NUP153: variants seen among roughly 807,000 people sequenced by gnomAD.
The protein encoded by NUP153 is nuclear pore complex protein Nup153.
NUP153 carries 27 observed loss-of-function variants against 134.6 expected under a neutral mutation model. The observed-to-expected ratio is 0.20, with a 90% CI of 0.15 to 0.28. The LOEUF (loss-of-function observed/expected upper bound fraction) is 0.28. Among genes scored for constraint, NUP153 ranks in the 10% least tolerant of loss-of-function variants. The pLI is 1.00. For synonymous variants in NUP153, 640 were observed against 623.5 expected (o/e 1.03, Z -0.40); for missense variants, 1,821 against 1,731.3 (o/e 1.05, Z -0.92).
rs536221112 is a variant in NUP153 at position 17,635,490 on chromosome 6, C to G, written c.2464+1663G>C. On this transcript the variant is annotated intron_variant, in intron 16 of 21. Coordinates refer to ENST00000262077, the MANE Select transcript of NUP153 (RefSeq NM_005124.4). ...GATCTCAGGTAACTGCAACCTCTAC[C>G]TCCCGAGCTCAAGCAATCCTCCCAC... 4.4e-3 allele frequency among the ~76,000 whole-genome samples: 669 copies of G among 152,284 alleles called. 2 individuals carry two copies. Among genetic ancestry groups the G allele is most frequent in the Non-Finnish European group, 6.8e-3 (463 of 68,008 alleles).
At chr6:17,616,479 A>G (rs1764333001) in intron 21 of NUP153, 48 bp downstream of exon 21, 1 of 1,520,828 alleles carries the variant, frequency 6.6e-7, no homozygotes, top group Non-Finnish European at 8.9e-7. Context: ...ATACATGCAC[A>G]TACCCTTACC....
intron 20 of NUP153, among the ~76,000 whole-genome samples, chr6:17,617,367 G>A (rs1384024706): frequency 2.7e-5 from 4 of 150,204 alleles, no homozygotes; most frequent in Admixed American, 1.3e-4. Flanking sequence ...GATACTAAAC[G>A]AGCAGTAGGG....
At chr6:17,672,248 A>G (rs79553128) in intron 5 of NUP153, among the ~76,000 whole-genome samples, 2,029 of 152,234 alleles carry the variant, frequency 0.013, 22 homozygotes, top group Non-Finnish European at 0.024. Flanking sequence ...AGGGATGGTC[A>G]AAAGTCCAGA....
At chr6:17,662,652 G>A (rs373184539) in intron 9 of NUP153, among the ~76,000 whole-genome samples, 13 of 152,238 alleles carry the variant, frequency 8.5e-5, no homozygotes, top group East Asian at 1.9e-4. Context: ...TATTCATTAC[G>A]AAAGGTAAAA....
At chr6:17,674,218 A>T (rs1312627959) in intron 5 of NUP153, among the ~76,000 whole-genome samples, 1 of 152,166 alleles carries the variant, frequency 6.6e-6, no homozygotes, top group Non-Finnish European at 1.5e-5. Context: ...GGGTGATGAA[A>T]ATGTCTGATC....
rs2113834347 is a variant in NUP153, at chr6:17,675,308, G to A, written c.644C>T (p.Ser215Phe). 1.2e-6 allele frequency: 2 copies of A among 1,614,138 alleles called. No homozygotes were observed. Among genetic ancestry groups the A allele is most frequent in the Admixed American group, 1.7e-5 (1 of 60,018 alleles). The stretch of plus-strand genomic sequence containing the variant: ...GGCAGTGTGCTGTGAGAGTGAGTGA[G>A]AACGTTCAGCTTCTGGGGACCACAG... Reference protein sequence around the residue: ...PPLWSPEAERSHSLSQHTATS... With the variant: ...PPLWSPEAERFHSLSQHTATS... The change falls in exon 4 of 22, where the codon TCT (serine) becomes TTT (phenylalanine). Residue 215 changes from serine (S) to phenylalanine (F), a missense_variant. By Grantham distance (155) the Ser-to-Phe change is radical. Transcript: ENST00000262077. This position sits in a 1 kb window ranked among gnomAD's most constrained non-coding sequence, Gnocchi z 4.4.
chr6:17,617,306 A>T (rs1428606114), intron 20 of NUP153, among the ~76,000 whole-genome samples: 1 of 152,130 alleles, frequency 6.6e-6, no homozygotes, highest in African/African-American at 2.4e-5. Context: ...TAAAACAACA[A>T]GGGATTTTTA....
At chr6:17,668,945 T>C in intron 8 of NUP153, 30 bp downstream of exon 8, 1 of 1,483,312 alleles carries the variant, frequency 6.7e-7, no homozygotes, top group Non-Finnish European at 9.2e-7. Flanking sequence ...TGTAGACAGT[T>C]TAAATAACTA....
Position 17,706,762 on chromosome 6 carries a change from T to G in NUP153, c.-375A>C. 4.8e-6 allele frequency: 1 copy of G among 209,404 alleles called. No individual in the cohort carries two copies. Among genetic ancestry groups the G allele is most frequent in the Non-Finnish European group, 9.7e-6 (1 of 103,194 alleles). 13.0% of individuals were successfully genotyped at this position (209,404 alleles called of 1,614,324 possible). ...ACTGGTGGGAGTTCTTCCGTCGCCC[T>G]AGCCGTAGCTGCCGCAGTTGAAGCC... On this transcript the variant is annotated 5_prime_UTR_variant, in exon 1 of 22. Transcript: ENST00000262077. The surrounding 1 kb of genome is among the most constrained non-coding windows in gnomAD (Gnocchi z 5.9).
intron 5 of NUP153, among the ~76,000 whole-genome samples, chr6:17,669,765 T>C (rs573144558): frequency 6.6e-6 from 1 of 152,008 alleles, no homozygotes; most frequent in Non-Finnish European, 1.5e-5. Context: ...ACCTTTACAA[T>C]AACAAAAGAA....
intron 20 of NUP153, among the ~76,000 whole-genome samples, chr6:17,621,270 A>G (rs765949091): frequency 6.6e-6 from 1 of 152,234 alleles, no homozygotes; most frequent in Non-Finnish European, 1.5e-5. Context: ...GTAAATTAGT[A>G]TAACCGTTAT....
At chr6:17,665,510 TACAA>T (rs1329321875) in intron 8 of NUP153, 125 bp from the exon 9 acceptor site, 4 of 686,882 alleles carry the variant, frequency 5.8e-6, no homozygotes, top group African/African-American at 5.4e-5. Flanking sequence ...ATACAGTAGA[TACAA>T]ACAAATAAGA....
At position 17,637,785 on chromosome 6, in the gene NUP153, GGA is replaced by G. The variant is rs1765636393; in HGVS notation, c.1847-17_1847-16del. On this transcript the variant is annotated splice_polypyrimidine_tract_variant and intron_variant, in intron 15 of 21. Coordinates refer to ENST00000262077, the MANE Select transcript of NUP153 (RefSeq NM_005124.4). Reference sequence around the variant, plus strand: ...CGATGCGAAACCTACAATGAACGAAGGAGAGAGTGCAACGTTAGAGAAGCTTT... The same window carrying G: ...CGATGCGAAACCTACAATGAACGAAGGAGAGTGCAACGTTAGAGAAGCTTT... The G allele has an allele frequency of 1.9e-6, 3 of 1,581,690 alleles. No individual in the cohort carries two copies. Among genetic ancestry groups the G allele is most frequent in the African/African-American group, 2.7e-5 (2 of 74,130 alleles).
At chr6:17,623,078 G>A (rs961032719) in intron 20 of NUP153, among the ~76,000 whole-genome samples, 7 of 150,886 alleles carry the variant, frequency 4.6e-5, no homozygotes, top group African/African-American at 1.2e-4. Flanking sequence ...TGCAGTGAGC[G>A]GAGATCAAGC....
chr6:17,620,115 A>G (rs1347714257), intron 20 of NUP153, among the ~76,000 whole-genome samples: 1 of 150,394 alleles, frequency 6.6e-6, no homozygotes, highest in Non-Finnish European at 1.5e-5. Flanking sequence ...AAAAAAAAAA[A>G]AAAAAAGGAA....
chr6:17,627,850 A>T (rs1027812535), intron 18 of NUP153, among the ~76,000 whole-genome samples: 1 of 152,200 alleles, frequency 6.6e-6, no homozygotes, highest in Non-Finnish European at 1.5e-5. Flanking sequence ...TTGGTGTCCT[A>T]AATTTCAGTG....
At chr6:17,699,547 A>C (rs1268330440) in intron 1 of NUP153, among the ~76,000 whole-genome samples, 2 of 150,830 alleles carry the variant, frequency 1.3e-5, no homozygotes, top group South Asian at 2.1e-4. Context: ...CCTAATGAAA[A>C]TGGTTTTGGC....
chr6:17,665,205 A>G (rs368100666), intron 9 of NUP153, 34 bp downstream of exon 9: 5 of 1,512,774 alleles, frequency 3.3e-6, no homozygotes, highest in Non-Finnish European at 4.6e-6. Flanking sequence ...TCTAATCAAT[A>G]TTCAAAGACT....
At chr6:17,631,183 G>A (rs895392971) in intron 17 of NUP153, among the ~76,000 whole-genome samples, 1 of 152,100 alleles carries the variant, frequency 6.6e-6, no homozygotes, top group Non-Finnish European at 1.5e-5. Flanking sequence ...GAAAATACCA[G>A]GGAACCTTAC....
Sources: allele counts gnomAD v4.1 joint callset (sites outside exome capture counted in the v4.1 genomes callset), GRCh38; gene constraint gnomAD v4.1.1; non-coding constraint Gnocchi (gnomAD v3.1); transcripts MANE v1.5; gene names NCBI Gene and HGNC (gene_info 2026-07-23, HGNC 2026-07-21).